The following QTGAL variants were observed in gnomAD, a reference collection of about 807,000 sequenced individuals.
QTGAL encodes queuosine-tRNA galactosyltransferase, also known as BGnT-like protein 1.
the QTGAL span, among the ~76,000 whole-genome samples, chr17:82,971,554 G>A: frequency 6.7e-6 from 1 of 150,236 alleles, no homozygotes; most frequent in South Asian, 2.1e-4. Context: ...GAGGCGTGGG[G>A]GCTACTGTGC....
At chr17:83,031,731 G>A in the QTGAL span, among the ~76,000 whole-genome samples, 2,016 of 152,352 alleles carry the variant, frequency 0.013, 55 homozygotes, top group African/African-American at 0.046. Flanking sequence ...TCCCAGGGAG[G>A]ATGGAGATGC....
At chr17:82,948,271 C>T in the QTGAL span, 6 of 152,360 alleles carry the variant, frequency 3.9e-5, no homozygotes, top group African/African-American at 1.4e-4. Context: ...GTGCCCAGCC[C>T]AGTGTGAGGG....
At chr17:83,002,214 A>G in the QTGAL span, among the ~76,000 whole-genome samples, 1 of 151,986 alleles carries the variant, frequency 6.6e-6, no homozygotes, top group Non-Finnish European at 1.5e-5. Flanking sequence ...CAAAGCTAAC[A>G]CTCAGGAGAA....
chr17:82,983,838 T>C, the QTGAL span, among the ~76,000 whole-genome samples: 1 of 152,166 alleles, frequency 6.6e-6, no homozygotes, highest in Admixed American at 6.5e-5. Context: ...GTGACTGTAT[T>C]TGGAGATGGG....
the QTGAL span, among the ~76,000 whole-genome samples, chr17:82,987,124 T>A: frequency 6.6e-6 from 1 of 152,200 alleles, no homozygotes; most frequent in Non-Finnish European, 1.5e-5. Context: ...CTTGAAAAAA[T>A]AATTTTAAAA....
the QTGAL span, among the ~76,000 whole-genome samples, chr17:83,031,762 A>T: frequency 6.6e-6 from 1 of 152,222 alleles, no homozygotes; most frequent in Non-Finnish European, 1.5e-5. Flanking sequence ...AAAGGTGAAG[A>T]TCTGTTTAAA....
the QTGAL span, among the ~76,000 whole-genome samples, chr17:83,028,988 G>A: frequency 5.1e-4 from 77 of 152,298 alleles, no homozygotes; most frequent in Admixed American, 1.2e-3. Context: ...AGGGCACGGC[G>A]TGCGGTTTCA....
the QTGAL span, among the ~76,000 whole-genome samples, chr17:82,982,083 T>C: frequency 1.4e-5 from 2 of 148,060 alleles, no homozygotes; most frequent in Non-Finnish European, 3.0e-5. Flanking sequence ...CCTCCATCCT[T>C]CTCACCTCCA....
chr17:82,957,580 A>C, the QTGAL span: 2 of 1,473,812 alleles, frequency 1.4e-6, no homozygotes, highest in African/African-American at 1.4e-5. Flanking sequence ...ATGTGTGCTC[A>C]GCTCACGTTG....
chr17:82,946,899 T>C, the QTGAL span: 1 of 1,561,046 alleles, frequency 6.4e-7, no homozygotes, highest in Non-Finnish European at 8.7e-7. Context: ...CTGCCATGGG[T>C]CCGTCAGCTG....
the QTGAL span, among the ~76,000 whole-genome samples, chr17:83,014,762 ATAAG>A: frequency 6.6e-6 from 1 of 152,276 alleles, no homozygotes; most frequent in Non-Finnish European, 1.5e-5. Flanking sequence ...ATTCCTACAA[ATAAG>A]TAAGAAAACG....
At chr17:82,967,503 C>T in the QTGAL span, among the ~76,000 whole-genome samples, 31 of 152,150 alleles carry the variant, frequency 2.0e-4, no homozygotes, top group South Asian at 8.3e-4. Context: ...TGATTTGTCC[C>T]CAGGAACATT....
chr17:83,045,461 C>A, the QTGAL span, among the ~76,000 whole-genome samples: 2 of 152,176 alleles, frequency 1.3e-5, no homozygotes, highest in Non-Finnish European at 2.9e-5. Flanking sequence ...AATATAAGAG[C>A]TACAAGTATA....
the QTGAL span, among the ~76,000 whole-genome samples, chr17:83,015,534 G>A: frequency 6.6e-6 from 1 of 152,226 alleles, no homozygotes; most frequent in African/African-American, 2.4e-5. This position sits in a 1 kb window ranked among gnomAD's most constrained non-coding sequence, Gnocchi z 4.4. Flanking sequence ...AATATACATG[G>A]TATTTTCCCC....
the QTGAL span, among the ~76,000 whole-genome samples, chr17:82,961,838 T>C: frequency 6.6e-6 from 1 of 152,244 alleles, no homozygotes; most frequent in Non-Finnish European, 1.5e-5. Context: ...TGTGAGAACC[T>C]GGGCCCTGCT....
At chr17:82,971,678 G>A in the QTGAL span, among the ~76,000 whole-genome samples, 1 of 41,418 alleles carries the variant, frequency 2.4e-5, no homozygotes, top group Non-Finnish European at 4.6e-5. Flanking sequence ...AGAAGGACCT[G>A]GTGCCCACCA....
chr17:82,968,894 G>A, the QTGAL span, among the ~76,000 whole-genome samples: 6 of 152,134 alleles, frequency 3.9e-5, no homozygotes, highest in Admixed American at 6.5e-5. Context: ...AGCACTTTGG[G>A]AGGCTGAGGT....
the QTGAL span, among the ~76,000 whole-genome samples, chr17:82,977,456 G>A: frequency 3.9e-5 from 6 of 151,990 alleles, no homozygotes; most frequent in African/African-American, 1.2e-4. Flanking sequence ...ATGTGACAGT[G>A]GTCTCTACCC....
the QTGAL span, among the ~76,000 whole-genome samples, chr17:82,987,429 A>G: frequency 6.6e-6 from 1 of 152,254 alleles, no homozygotes; most frequent in Non-Finnish European, 1.5e-5. Flanking sequence ...TTACAAGCAT[A>G]AACACTCAAG....
Sources: allele counts gnomAD v4.1 joint callset (sites outside exome capture counted in the v4.1 genomes callset), GRCh38; gene constraint gnomAD v4.1.1; non-coding constraint Gnocchi (gnomAD v3.1); transcripts MANE v1.5; gene names NCBI Gene and HGNC (gene_info 2026-07-23, HGNC 2026-07-21).